The following RASA1 variants were observed in gnomAD, a reference collection of about 807,000 sequenced individuals.
RASA1 encodes RAS p21 protein activator 1.
RASA1 carries 25 observed loss-of-function variants against 132.2 expected under a neutral mutation model. That is an observed-to-expected ratio of 0.19 (90% confidence interval 0.14 to 0.26). RASA1 has a LOEUF of 0.26. Ranked by LOEUF, RASA1 falls within the 10% of genes least tolerant of loss-of-function variation. The pLI is 1.00. For missense variants in RASA1, 964 were observed against 1,299.2 expected (o/e 0.74, Z 3.97); for synonymous variants, 477 against 449.9 (o/e 1.06, Z -0.76).
intron 1 of RASA1, among the ~76,000 whole-genome samples, chr5:87,308,747 T>C (rs1755737074): frequency 6.6e-6 from 1 of 152,196 alleles, no homozygotes; most frequent in Non-Finnish European, 1.5e-5. Flanking sequence ...TTGTGTCTTT[T>C]CTGTATTTAG....
intron 1 of RASA1, among the ~76,000 whole-genome samples, chr5:87,288,522 A>C (rs1486334050): frequency 2.6e-5 from 4 of 152,082 alleles, no homozygotes; most frequent in African/African-American, 4.8e-5. Flanking sequence ...TTATTTAAAT[A>C]ATAGGGATTG....
chr5:87,337,987 G>C lies in RASA1; in HGVS notation c.913G>C (p.Asp305His). The change falls in exon 5 of 25, where the codon GAT becomes CAT. Residue 305 changes from aspartate (D) to histidine (H), a missense_variant. Physicochemically the swap from Asp to His is moderately conservative, Grantham distance 81. This residue lies in a region of RASA1 where 154 missense variants were observed against 286.5 expected (regional missense o/e 0.54). Coordinates refer to ENST00000274376, the MANE Select transcript of RASA1 (RefSeq NM_002890.3). The stretch of plus-strand genomic sequence containing the variant: ...TGCTATTTTCAGTTTCTTAAAAGGA[G>C]ATATGTTCATTGTTCATAATGAATT... ...DTDEISFLKG[D>H]MFIVHNELED... 1 of 1,608,810 alleles carries C rather than the reference G, an allele frequency of 6.2e-7. No homozygotes were observed. The highest frequency in any genetic ancestry group is 8.5e-7 in the Non-Finnish European group (1 of 1,177,898).
intron 1 of RASA1, among the ~76,000 whole-genome samples, chr5:87,326,148 T>A (rs1212525852): frequency 2.2e-4 from 34 of 152,116 alleles, no homozygotes; most frequent in Admixed American, 2.2e-3. Context: ...ATTTTTGTAT[T>A]TTTTGTAGAG....
At chr5:87,377,231 T>C (rs1761388691) in intron 17 of RASA1, 191 bp downstream of exon 17, 5 of 707,850 alleles carry the variant, frequency 7.1e-6, no homozygotes, top group South Asian at 3.6e-5. Context: ...GAAGCTGATA[T>C]TTCTAATGTA....
chr5:87,376,199 A>G lies in RASA1; in HGVS notation c.2012-194A>G. ...CATCTCAATCATCTCTGTACTCTCTACCTATCAGAGTTTAGTGCACCGTAG... is the reference window on the plus strand; with the variant it reads ...CATCTCAATCATCTCTGTACTCTCTGCCTATCAGAGTTTAGTGCACCGTAG... On this transcript the variant is annotated intron_variant, in intron 15 of 24. Coordinates refer to ENST00000274376, the MANE Select transcript of RASA1 (RefSeq NM_002890.3). 6.1e-6 allele frequency: 4 copies of G among 650,456 alleles called. No individual in the cohort carries two copies. In the East Asian group the frequency reaches 8.4e-5, roughly 14 times the overall value. The allele number at this position is 650,456 out of a possible 1,614,324, so 40.3% of individuals were successfully genotyped here. A position where few individuals can be genotyped will look rare whatever the true frequency, so the allele number is the denominator to read the frequency against.
At chr5:87,276,084 T>C in intron 1 of RASA1, among the ~76,000 whole-genome samples, 1 of 152,114 alleles carries the variant, frequency 6.6e-6, no homozygotes. Context: ...GGCATCAAAG[T>C]AACAGTACCA....
At chr5:87,310,261 A>G (rs534360762) in intron 1 of RASA1, among the ~76,000 whole-genome samples, 1 of 152,310 alleles carries the variant, frequency 6.6e-6, no homozygotes, top group East Asian at 1.9e-4. Flanking sequence ...GAATTTTAAA[A>G]AAGAATTCCA....
At chr5:87,338,442 G>A (rs898183897) in intron 5 of RASA1, among the ~76,000 whole-genome samples, 2 of 144,524 alleles carry the variant, frequency 1.4e-5, no homozygotes, top group Middle Eastern at 3.8e-3. Flanking sequence ...AGCATTTCTC[G>A]TGCCTCAGCC....
intron 1 of RASA1, among the ~76,000 whole-genome samples, chr5:87,302,690 T>C (rs189031475): frequency 4.2e-4 from 63 of 150,418 alleles, no homozygotes; most frequent in Admixed American, 1.1e-3. Flanking sequence ...GTGTAATCCA[T>C]ACTTAAAGAA....
At chr5:87,306,433 G>A (rs1252461031) in intron 1 of RASA1, among the ~76,000 whole-genome samples, 1 of 152,008 alleles carries the variant, frequency 6.6e-6, no homozygotes, top group Non-Finnish European at 1.5e-5. Context: ...ACACATAGAG[G>A]GGAACAACAC....
At chr5:87,276,931 G>C (rs1022376120) in intron 1 of RASA1, among the ~76,000 whole-genome samples, 3 of 152,172 alleles carry the variant, frequency 2.0e-5, no homozygotes, top group Non-Finnish European at 2.9e-5. Flanking sequence ...TAACTAGGTA[G>C]TGGTAGAACT....
At chr5:87,331,018 T>C in intron 1 of RASA1, 1 of 1,357,496 alleles carries the variant, frequency 7.4e-7, no homozygotes, top group Non-Finnish European at 9.7e-7. Context: ...GTCTATCTTT[T>C]ATTTTTCTAA....
Position 87,268,404 on chromosome 5 carries a change from T to TACCA in RASA1, c.-48_-47insACCA. The TACCA allele has an allele frequency of 6.7e-7, 1 of 1,484,458 alleles. No individual in the cohort carries two copies. The highest frequency in any genetic ancestry group is 9.0e-7 in the Non-Finnish European group (1 of 1,114,052). The allele number at this position is 1,484,458 out of a possible 1,614,324, so 92.0% of individuals were successfully genotyped here. ...CTCGGAGCCCGGGCCTGGTGGCCCCTGGGGCTCCCGGGCGGGCAGGGTAGG... is the reference window on the plus strand; with the variant it reads ...CTCGGAGCCCGGGCCTGGTGGCCCCTACCAGGGGCTCCCGGGCGGGCAGGGTAGG... On this transcript the variant is annotated 5_prime_UTR_variant, in exon 1 of 25. Transcript: ENST00000274376.
chr5:87,382,651 C>T (rs1417103442), intron 20 of RASA1, among the ~76,000 whole-genome samples: 1 of 152,160 alleles, frequency 6.6e-6, no homozygotes, highest in Non-Finnish European at 1.5e-5. Context: ...TCTATGCAAG[C>T]TTTTAACACT....
chr5:87,348,837 T>A (rs1295026259), intron 7 of RASA1, among the ~76,000 whole-genome samples: 1 of 152,026 alleles, frequency 6.6e-6, no homozygotes, highest in East Asian at 1.9e-4. Flanking sequence ...CTTCACTTTT[T>A]AGAATCTTCT....
chr5:87,387,433 G>A (rs1335604988), intron 23 of RASA1, among the ~76,000 whole-genome samples: 1 of 152,220 alleles, frequency 6.6e-6, no homozygotes, highest in African/African-American at 2.4e-5. Context: ...ACGAATGAGG[G>A]TATTTTATAA....
At chr5:87,273,340 C>T (rs1753928369) in intron 1 of RASA1, among the ~76,000 whole-genome samples, 1 of 152,096 alleles carries the variant, frequency 6.6e-6, no homozygotes, top group Admixed American at 6.6e-5. Flanking sequence ...AAAAATTCTT[C>T]CTCTCTATTT....
At chr5:87,383,955 T>C (rs1761901392) in intron 21 of RASA1, among the ~76,000 whole-genome samples, 175 bp downstream of exon 21, 1 of 152,056 alleles carries the variant, frequency 6.6e-6, no homozygotes, top group East Asian at 1.9e-4. Context: ...TTGGGCTTTT[T>C]TCTTTTTGTT....
chr5:87,268,804 A>G lies in RASA1; in HGVS notation c.353A>G (p.Lys118Arg), dbSNP rs1357841658. ...AGPSGDMALT[K>R]LPTSLLAETL... ...CCTAGTGGAGACATGGCTCTCACCA[A>G]ACTGCCCACTTCGTTGCTTGCTGAG... is the stretch of plus-strand genomic sequence containing the variant. Residue 118 changes from lysine to arginine, a missense_variant, in exon 1 of 25, where the codon AAA becomes AGA. By Grantham distance (26) the Lys-to-Arg change is conservative (BLOSUM62 2). This residue lies in a region of RASA1 where 326 missense variants were observed against 275.8 expected (regional missense o/e 1.18). Transcript: ENST00000274376. 4 of 1,613,982 alleles carry G rather than the reference A, an allele frequency of 2.5e-6. No individual in the cohort carries two copies. The South Asian group carries it at 3.3e-5, about 13-fold the overall frequency.
Sources: allele counts gnomAD v4.1 joint callset (sites outside exome capture counted in the v4.1 genomes callset), GRCh38; gene constraint gnomAD v4.1.1; regional missense constraint gnomAD v4.1.1; transcripts MANE v1.5; gene names NCBI Gene and HGNC (gene_info 2026-07-23, HGNC 2026-07-21).